CDH18: variants seen among roughly 807,000 people sequenced by gnomAD.
The protein encoded by CDH18 is cadherin 18.
A neutral mutation model predicts 67.9 loss-of-function variants in CDH18; 31 were observed. The observed-to-expected ratio is 0.46, with a 90% CI of 0.34 to 0.62. The LOEUF (loss-of-function observed/expected upper bound fraction) is 0.62, where lower values mean the gene tolerates loss of function less well. CDH18 is among the 20% of genes least tolerant of loss of function. The pLI is 0.01. For missense variants in CDH18, 890 were observed against 975.5 expected, an observed-to-expected ratio of 0.91 and a Z score of 1.17; for synonymous variants, 362 against 347.2, an observed-to-expected ratio of 1.04 and a Z score of -0.48.
At chr5:19,706,061 C>T (rs1210408493) in intron 5 of CDH18, among the ~76,000 whole-genome samples, 1 of 152,104 alleles carries the variant, frequency 6.6e-6, no homozygotes, top group Non-Finnish European at 1.5e-5. Context: ...GAGCTCGTAG[C>T]TGTAATTGAG....
intron 2 of CDH18, among the ~76,000 whole-genome samples, chr5:20,015,618 T>C (rs1343318382): frequency 6.6e-6 from 1 of 152,166 alleles, no homozygotes; most frequent in Non-Finnish European, 1.5e-5. Context: ...TGTCTGAGAA[T>C]ATTCACAAAT....
intron 2 of CDH18, among the ~76,000 whole-genome samples, chr5:20,103,674 A>C (rs1198332872): frequency 6.6e-6 from 1 of 151,628 alleles, no homozygotes; most frequent in Non-Finnish European, 1.5e-5. Flanking sequence ...CAGAGGTTGC[A>C]GTGAGTGGAG....
intron 12 of CDH18, among the ~76,000 whole-genome samples, chr5:19,481,503 C>A (rs1466555239): frequency 6.6e-6 from 1 of 152,148 alleles, no homozygotes; most frequent in Non-Finnish European, 1.5e-5. Flanking sequence ...TCCCTACATG[C>A]CCTCTTGTCA....
chr5:19,888,715 TTTC>T (rs1197142863), intron 2 of CDH18, among the ~76,000 whole-genome samples: 1 of 152,118 alleles, frequency 6.6e-6, no homozygotes, highest in African/African-American at 2.4e-5. Context: ...CATTTAAAAA[TTTC>T]TTCTTCATTA....
chr5:20,148,869 A>G (rs1750874783), intron 2 of CDH18, among the ~76,000 whole-genome samples: 1 of 152,122 alleles, frequency 6.6e-6, no homozygotes, highest in Admixed American at 6.6e-5. Flanking sequence ...CAAGAAAGTG[A>G]TAACATCATG....
chr5:19,743,407 T>C (rs1181132508), intron 4 of CDH18, among the ~76,000 whole-genome samples: 1 of 152,100 alleles, frequency 6.6e-6, no homozygotes, highest in African/African-American at 2.4e-5. Context: ...TAATAAAAGA[T>C]AACACTGTAA....
chr5:20,220,748 A>G (rs1180465843), intron 2 of CDH18, among the ~76,000 whole-genome samples: 1 of 152,056 alleles, frequency 6.6e-6, no homozygotes, highest in Non-Finnish European at 1.5e-5. Flanking sequence ...TAATAACCAG[A>G]ATATATAAGG....
chr5:19,746,920 T>C, intron 4 of CDH18, 22 bp downstream of exon 4: 1 of 1,599,598 alleles, frequency 6.3e-7, no homozygotes. Context: ...AATTGCATAA[T>C]CACAAAAATG....
At chr5:20,418,262 T>TTTTTTTTTTTTTC (rs1396513806) in intron 1 of CDH18, among the ~76,000 whole-genome samples, 3 of 137,726 alleles carry the variant, frequency 2.2e-5, no homozygotes, top group Non-Finnish European at 4.7e-5. Context: ...TTTTTTTTTT[T>TTTTTTTTTTTTTC]TTTTGTATTT....
intron 1 of CDH18, among the ~76,000 whole-genome samples, chr5:20,393,517 TA>T (rs1486665262): frequency 6.6e-6 from 1 of 151,988 alleles, no homozygotes; most frequent in Non-Finnish European, 1.5e-5. Context: ...TTGATTATAA[TA>T]ATAAGTAACT....
chr5:20,494,207 A>T lies in CDH18; in HGVS notation c.-580+81255T>A, dbSNP rs537333433. Among the ~76,000 whole-genome samples, 4 of 152,320 alleles carry T rather than the reference A, an allele frequency of 2.6e-5. No individual in the cohort carries two copies. The South Asian group carries it at 8.3e-4, about 32-fold the overall frequency. ...GACAAATACTCTAAATAGTTCCCAA[A>T]TTGAAGAGAGTGGAATAGACTCCAA... On this transcript the variant is annotated intron_variant, in intron 1 of 14. Coordinates refer to the CDH18 transcript ENST00000507958.
intron 9 of CDH18, among the ~76,000 whole-genome samples, chr5:19,537,033 T>C (rs1194947420): frequency 6.6e-6 from 1 of 152,188 alleles, no homozygotes; most frequent in Non-Finnish European, 1.5e-5. Flanking sequence ...GTGGACTTGA[T>C]TGAGCCATGG....
intron 5 of CDH18, among the ~76,000 whole-genome samples, chr5:19,705,904 A>G (rs1190441349): frequency 6.6e-6 from 1 of 152,136 alleles, no homozygotes; most frequent in African/African-American, 2.4e-5. Context: ...GAAATTAACT[A>G]ATTGGGTTCT....
chr5:20,411,918 T>C (rs1746815177), intron 1 of CDH18, among the ~76,000 whole-genome samples: 1 of 152,102 alleles, frequency 6.6e-6, no homozygotes, highest in Non-Finnish European at 1.5e-5. Flanking sequence ...CCCTTGCTCA[T>C]GGAATGAAAG....
chr5:20,183,891 A>AT (rs1157079701), intron 2 of CDH18, among the ~76,000 whole-genome samples: 1 of 152,084 alleles, frequency 6.6e-6, no homozygotes, highest in Non-Finnish European at 1.5e-5. Context: ...AGTAATATTG[A>AT]TTTTATCTAA....
chr5:20,302,604 G>A (rs577857453), intron 1 of CDH18, among the ~76,000 whole-genome samples: 1 of 152,260 alleles, frequency 6.6e-6, no homozygotes, highest in African/African-American at 2.4e-5. Flanking sequence ...CAGGTACTTA[G>A]GAGTTCATCA....
intron 2 of CDH18, among the ~76,000 whole-genome samples, chr5:19,951,625 A>G (rs1795800468): frequency 6.6e-6 from 1 of 152,140 alleles, no homozygotes; most frequent in East Asian, 1.9e-4. Context: ...TAGAGTATAG[A>G]ACTCTGGGAT....
intron 2 of CDH18, among the ~76,000 whole-genome samples, chr5:20,253,108 G>C (rs1285289363): frequency 1.3e-5 from 2 of 152,104 alleles, no homozygotes; most frequent in East Asian, 1.9e-4. Flanking sequence ...TTACACTAAA[G>C]TATCATCTAC....
chr5:20,538,915 T>TTTTTG (rs1756891695), intron 1 of CDH18, among the ~76,000 whole-genome samples: 1 of 143,396 alleles, frequency 7.0e-6, no homozygotes, highest in African/African-American at 2.5e-5. Context: ...TTTTGTTTTT[T>TTTTTG]TTTTTTTTTG....
Sources: gnomAD v4.1 joint callset for allele counts (sites outside exome capture counted in the v4.1 genomes callset) on GRCh38, gnomAD v4.1.1 for gene constraint, MANE v1.5 for transcripts, NCBI Gene and HGNC (gene_info 2026-07-23, HGNC 2026-07-21) for gene names.